Variants in RBMS1 observed in about 807,000 individuals in gnomAD.
RBMS1 encodes RNA-binding motif, single-stranded-interacting protein 1.
Under a neutral mutation model 62.3 loss-of-function variants are expected in RBMS1, and 17 were observed. The observed-to-expected ratio is 0.27, with a 90% confidence interval of 0.19 to 0.41. RBMS1 has a LOEUF of 0.41. RBMS1 is among the 10% of genes least tolerant of loss of function. The pLI, the probability that RBMS1 is intolerant of heterozygous loss-of-function variation, is 1.00. For synonymous variants in RBMS1, 172 were observed against 170.0 expected (o/e 1.01, Z -0.09); for missense variants, 334 against 504.5 (o/e 0.66, Z 3.24).
intron 1 of RBMS1, chr2:160,432,463 C>T (rs1253658691): frequency 1.3e-5 from 2 of 152,258 alleles, no homozygotes; most frequent in South Asian, 2.1e-4. Context: ...TTGGTATTCC[C>T]GAATGCCTTC....
At chr2:160,390,080 G>A (rs1694779350) in intron 1 of RBMS1, among the ~76,000 whole-genome samples, 1 of 152,146 alleles carries the variant, frequency 6.6e-6, no homozygotes, top group Non-Finnish European at 1.5e-5. Context: ...TTCCCTAGAG[G>A]TAACCTGATA....
intron 1 of RBMS1, among the ~76,000 whole-genome samples, chr2:160,429,397 A>C (rs1355062604): frequency 6.6e-6 from 1 of 152,222 alleles, no homozygotes. Flanking sequence ...CCATCTTATT[A>C]AGTAAGCTCT....
intron 2 of RBMS1, among the ~76,000 whole-genome samples, chr2:160,361,954 G>A (rs943570496): frequency 1.1e-4 from 17 of 152,234 alleles, no homozygotes; most frequent in African/African-American, 4.1e-4. Context: ...CAGAGTGGTG[G>A]CGGCTGAAGG....
intron 1 of RBMS1, among the ~76,000 whole-genome samples, chr2:160,411,872 C>T (rs1028915646): frequency 5.3e-5 from 8 of 152,172 alleles, no homozygotes; most frequent in African/African-American, 1.9e-4. Context: ...AAGGGGAGGG[C>T]ATTTTTGTAA....
chr2:160,285,670 A>G (rs1044767834), intron 7 of RBMS1, among the ~76,000 whole-genome samples: 6 of 151,948 alleles, frequency 3.9e-5, no homozygotes, highest in Non-Finnish European at 7.4e-5. Flanking sequence ...GAGAGGTGAA[A>G]AAAACCCCAA....
At chr2:160,441,628 G>A (rs1350775056) in intron 1 of RBMS1, among the ~76,000 whole-genome samples, 1 of 152,208 alleles carries the variant, frequency 6.6e-6, no homozygotes, top group Non-Finnish European at 1.5e-5. Flanking sequence ...GGGAGGCTAT[G>A]GCAGGAAGAT....
At chr2:160,453,585 C>G (rs1405330596) in intron 1 of RBMS1, among the ~76,000 whole-genome samples, 2 of 152,174 alleles carry the variant, frequency 1.3e-5, no homozygotes, top group Admixed American at 6.5e-5. Flanking sequence ...TCATTGCCCT[C>G]TTATGTCACT....
At chr2:160,439,997 T>C (rs1222708505) in intron 1 of RBMS1, among the ~76,000 whole-genome samples, 2 of 144,374 alleles carry the variant, frequency 1.4e-5, no homozygotes, top group Non-Finnish European at 3.0e-5. Context: ...TGAGCCGAGA[T>C]GGCAGCAGTA....
chr2:160,407,856 G>T (rs1001048173), intron 1 of RBMS1: 1 of 981,206 alleles, frequency 1.0e-6, no homozygotes, highest in Admixed American at 6.3e-5. Flanking sequence ...GGCAGCGGAG[G>T]AGCAGCGCCG....
At chr2:160,490,492 T>C (rs1182235359) in intron 1 of RBMS1, among the ~76,000 whole-genome samples, 2 of 152,132 alleles carry the variant, frequency 1.3e-5, no homozygotes, top group Non-Finnish European at 2.9e-5. Flanking sequence ...AATGATTTTT[T>C]TTCTTTCTGT....
chr2:160,481,114 A>G (rs923387052), intron 1 of RBMS1, among the ~76,000 whole-genome samples: 1 of 151,666 alleles, frequency 6.6e-6, no homozygotes, highest in Non-Finnish European at 1.5e-5. Flanking sequence ...AGTCCAGAAG[A>G]AGAACCACAC....
At chr2:160,387,400 T>G (rs905134475) in intron 1 of RBMS1, among the ~76,000 whole-genome samples, 1 of 151,930 alleles carries the variant, frequency 6.6e-6, no homozygotes, top group Non-Finnish European at 1.5e-5. Flanking sequence ...TCACTAAATG[T>G]TTTTTCCTAA....
At chr2:160,451,158 G>GAAAAAAAAAAA (rs71006607) in intron 1 of RBMS1, among the ~76,000 whole-genome samples, 29 of 128,058 alleles carry the variant, frequency 2.3e-4, no homozygotes, top group African/African-American at 4.0e-4. Flanking sequence ...CCATGCTTCA[G>GAAAAAAAAAAA]AAAAAAAAAA....
At chr2:160,416,190 G>A (rs1432596694) in intron 1 of RBMS1, 2 of 150,402 alleles carry the variant, frequency 1.3e-5, no homozygotes, top group African/African-American at 4.9e-5. Flanking sequence ...AGGAAATTCC[G>A]ATGTTGCCAT....
chr2:160,414,208 G>T (rs758963904), intron 1 of RBMS1, among the ~76,000 whole-genome samples: 8 of 152,184 alleles, frequency 5.3e-5, no homozygotes, highest in Non-Finnish European at 1.0e-4. Flanking sequence ...ATCGTGAATA[G>T]TACAGGTATA....
chr2:160,327,511 A>C (rs1195544847), intron 2 of RBMS1, among the ~76,000 whole-genome samples: 1 of 151,892 alleles, frequency 6.6e-6, no homozygotes, highest in African/African-American at 2.4e-5. Context: ...GATTTATTAC[A>C]CAGACTTGCT....
At chr2:160,302,138 G>A (rs1275352732) in intron 5 of RBMS1, among the ~76,000 whole-genome samples, 2 of 151,106 alleles carry the variant, frequency 1.3e-5, no homozygotes, top group African/African-American at 4.9e-5. Context: ...TTTTTTCTGG[G>A]GAGAAAAAGA....
chr2:160,439,315 G>A (rs1347269737), intron 1 of RBMS1, among the ~76,000 whole-genome samples: 2 of 148,110 alleles, frequency 1.4e-5, no homozygotes, highest in African/African-American at 2.5e-5. Flanking sequence ...GCTGCCGGGC[G>A]GAAGGGCTCC....
At chr2:160,328,642 A>T (rs1378712354) in intron 2 of RBMS1, among the ~76,000 whole-genome samples, 1 of 152,182 alleles carries the variant, frequency 6.6e-6, no homozygotes, top group Non-Finnish European at 1.5e-5. Flanking sequence ...AAATGGAATT[A>T]AAAATTAGCA....
Sources: allele counts gnomAD v4.1 joint callset (sites outside exome capture counted in the v4.1 genomes callset), GRCh38; gene constraint gnomAD v4.1.1; transcripts MANE v1.5; gene names NCBI Gene and HGNC (gene_info 2026-07-23, HGNC 2026-07-21).